Variants in CCDC88A observed in about 807,000 individuals in gnomAD.
CCDC88A encodes coiled-coil and HOOK domain protein 88A.
A neutral mutation model predicts 234.3 loss-of-function variants in CCDC88A; 54 were observed. The observed-to-expected ratio is 0.23, with a 90% CI of 0.19 to 0.29. The LOEUF (loss-of-function observed/expected upper bound fraction) is 0.29, where lower values mean the gene tolerates loss of function less well. Among genes scored for constraint, CCDC88A ranks in the 10% least tolerant of loss-of-function variants. CCDC88A has a pLI of 1.00. For synonymous variants in CCDC88A, 753 were observed against 737.8 expected, an observed-to-expected ratio of 1.02 and a Z score of -0.33; for missense variants, 1,832 against 2,123.4, an observed-to-expected ratio of 0.86 and a Z score of 2.70.
chr2:55,408,830 G>C (rs917285710), intron 2 of CCDC88A, among the ~76,000 whole-genome samples: 6 of 152,026 alleles, frequency 3.9e-5, no homozygotes, highest in African/African-American at 1.5e-4. Flanking sequence ...CTTGGGGTCT[G>C]GATTGGGACC....
chr2:55,365,936 TTTTAA>T (rs1425550375), intron 5 of CCDC88A, among the ~76,000 whole-genome samples: 25 of 152,292 alleles, frequency 1.6e-4, no homozygotes, highest in African/African-American at 5.8e-4. Context: ...GAAACTGAAA[TTTTAA>T]TTTAATTGTA....
intron 3 of CCDC88A, among the ~76,000 whole-genome samples, chr2:55,376,627 G>C (rs556843494): frequency 6.6e-6 from 1 of 152,206 alleles, no homozygotes; most frequent in Admixed American, 6.5e-5. Flanking sequence ...AAATATGCCT[G>C]CATTTAAAGA....
chr2:55,369,378 A>C (rs1672492413), intron 5 of CCDC88A, among the ~76,000 whole-genome samples: 1 of 151,078 alleles, frequency 6.6e-6, no homozygotes, highest in African/African-American at 2.4e-5. Context: ...GTCCTTCATA[A>C]CTCAATTCAT....
Position 55,295,748 on chromosome 2 carries a change from T to G in CCDC88A, c.5400A>C (p.Ala1800=). 1 of 1,614,198 alleles carries G rather than the reference T, an allele frequency of 6.2e-7. No individual in the cohort carries two copies. Among genetic ancestry groups the G allele is most frequent in the Non-Finnish European group, 8.5e-7 (1 of 1,180,040 alleles). ...SRQSKDSNPY[A]TLPRASSVIS... is the part of the protein sequence containing the mutation. ...TCACGCTGCTTGCACGAGGTAAAGT[T>G]GCATAAGGGTTACTATCTTTTGATT... The change falls in exon 31 of 33, where the codon GCA becomes GCC. Residue 1800 remains alanine, a synonymous_variant. Transcript: ENST00000436346.
intron 2 of CCDC88A, among the ~76,000 whole-genome samples, chr2:55,397,960 ATTATATAG>A (rs1319588766): frequency 6.6e-6 from 1 of 152,172 alleles, no homozygotes; most frequent in East Asian, 1.9e-4. Flanking sequence ...AAAGGAAGGA[ATTATATAG>A]TTATATACTA....
chr2:55,417,394 T>C (rs1317198423), intron 2 of CCDC88A: 1 of 151,990 alleles, frequency 6.6e-6, no homozygotes, highest in Non-Finnish European at 1.5e-5. Context: ...CTTTCTGTCA[T>C]GTAGGTTCCC....
At chr2:55,363,816 A>G in intron 6 of CCDC88A, 134 bp downstream of exon 6, 1 of 527,290 alleles carries the variant, frequency 1.9e-6, no homozygotes, top group Middle Eastern at 3.9e-4. Context: ...GACAATTTGT[A>G]TAAAAGCAGG....
chr2:55,334,679 C>A lies in CCDC88A; in HGVS notation c.2142G>T (p.Lys714Asn). The A allele has an allele frequency of 6.2e-7, 1 of 1,613,758 alleles. No individual in the cohort carries two copies. Among genetic ancestry groups the A allele is most frequent in the Non-Finnish European group, 8.5e-7 (1 of 1,179,820 alleles). Residue 714 changes from lysine to asparagine, a missense_variant, in exon 15 of 33, where the codon AAG becomes AAT. Coordinates refer to ENST00000436346, the MANE Select transcript of CCDC88A (RefSeq NM_001365480.1). This position sits in a 1 kb window ranked among gnomAD's most constrained non-coding sequence, Gnocchi z 6.1. ...GCTGAGCCATTTTCATGCTTGCACA[C>A]TTCAAAGATTCTACATTCCTTCGCA... ...LELRRNVESL[K>N]CASMKMAQLQ...
chr2:55,367,528 G>GTTTTTTTTTTTTTTTTTTTTTTTTT lies in CCDC88A; in HGVS notation c.403-3496_403-3495insAAAAAAAAAAAAAAAAAAAAAAAAA. 2.4e-3 allele frequency among the ~76,000 whole-genome samples: 240 copies of GTTTTTTTTTTTTTTTTTTTTTTTTT among 99,814 alleles called. 17 individuals carry two copies. Among genetic ancestry groups the GTTTTTTTTTTTTTTTTTTTTTTTTT allele is most frequent in the Middle Eastern group, 6.0e-3 (1 of 168 alleles). The allele number at this position is 99,814 out of a possible 152,430, so 65.5% of individuals were successfully genotyped here. Reference sequence around the variant, plus strand: ...TTGCTAGAAATTGTTTTATTTCCTTGTTTTTTTTTAAGAGACTGGGTCTTG... The same window carrying GTTTTTTTTTTTTTTTTTTTTTTTTT: ...TTGCTAGAAATTGTTTTATTTCCTTGTTTTTTTTTTTTTTTTTTTTTTTTTTTTTTTTTTAAGAGACTGGGTCTTG... On this transcript the variant is annotated intron_variant, in intron 5 of 32. Transcript: ENST00000436346.
At chr2:55,374,974 G>A in intron 3 of CCDC88A, 91 bp from the exon 4 acceptor site, 1 of 773,196 alleles carries the variant, frequency 1.3e-6, no homozygotes. Flanking sequence ...ACATTCTTCT[G>A]TAGGTGTGCT....
At chr2:55,414,737 G>C (rs1371442961) in intron 2 of CCDC88A, among the ~76,000 whole-genome samples, 1 of 152,022 alleles carries the variant, frequency 6.6e-6, no homozygotes, top group Non-Finnish European at 1.5e-5. Context: ...AATTTTCTTA[G>C]TCTTAATAAA....
chr2:55,294,577 T>G (rs1389356288), intron 31 of CCDC88A: 3 of 984,126 alleles, frequency 3.0e-6, no homozygotes, highest in Non-Finnish European at 3.6e-6. Flanking sequence ...CTACTGATAC[T>G]GTACATATGT....
intron 29 of CCDC88A, chr2:55,297,296 TTATA>T (rs1482980605): frequency 2.6e-5 from 2 of 76,530 alleles, no homozygotes; most frequent in African/African-American, 4.9e-5. Context: ...TATATATAAT[TTATA>T]TATAATTATA....
chr2:55,312,636 C>A, intron 22 of CCDC88A, 57 bp from the exon 23 acceptor site: 1 of 1,306,540 alleles, frequency 7.7e-7, no homozygotes, highest in Admixed American at 1.9e-5. Context: ...CATAAATCAA[C>A]TGAAAAATAT....
Position 55,322,602 on chromosome 2 carries a change from A to G in CCDC88A, c.3088T>C (p.Trp1030Arg). The G allele has an allele frequency of 1.2e-6, 2 of 1,608,482 alleles. No homozygotes were observed. The highest frequency in any genetic ancestry group is 1.7e-6 in the Non-Finnish European group (2 of 1,175,556). Reference protein sequence around the residue: ...SPPISGEDNKWERESQETTRE... With the variant: ...SPPISGEDNKRERESQETTRE... ...GTCGTTTCTTGACTTTCTCGCTCCC[A>G]TTTGTTGTCTTCACCAGATATTGGA... The change falls in exon 18 of 33, where the codon TGG (tryptophan) becomes CGG (arginine). Residue 1030 changes from tryptophan (W) to arginine (R), a missense_variant. Physicochemically the swap from Trp to Arg is moderately radical, Grantham distance 101. Coordinates refer to ENST00000436346, the MANE Select transcript of CCDC88A (RefSeq NM_001365480.1).
chr2:55,310,713 GA>G (rs1397026588), intron 23 of CCDC88A, among the ~76,000 whole-genome samples: 4 of 152,200 alleles, frequency 2.6e-5, no homozygotes, highest in Non-Finnish European at 4.4e-5. Context: ...GATGCCTTGT[GA>G]ACAGATGTTG....
intron 29 of CCDC88A, among the ~76,000 whole-genome samples, chr2:55,297,340 T>TTATATATTATATATAAATATATATTA (rs1680227400): frequency 8.1e-5 from 3 of 36,862 alleles, no homozygotes; most frequent in African/African-American, 2.2e-4. Context: ...ATATATAAAT[T>TTATATATTATATATAAATATATATTA]TATATATTAT....
intron 9 of CCDC88A, 43 bp from the exon 10 acceptor site, chr2:55,346,376 T>C (rs1378571936): frequency 2.6e-6 from 3 of 1,148,746 alleles, no homozygotes; most frequent in Non-Finnish European, 3.7e-6. Flanking sequence ...TTTTCTGTTA[T>C]CAACTTGTTA....
intron 7 of CCDC88A, 168 bp from the exon 8 acceptor site, chr2:55,355,919 G>C (rs1670509629): frequency 1.9e-6 from 1 of 514,814 alleles, no homozygotes; most frequent in African/African-American, 1.9e-5. Context: ...TCATTCAACA[G>C]TTCATGCATG....
Sources: allele counts gnomAD v4.1 joint callset (sites outside exome capture counted in the v4.1 genomes callset), GRCh38; gene constraint gnomAD v4.1.1; non-coding constraint Gnocchi (gnomAD v3.1); transcripts MANE v1.5; gene names NCBI Gene and HGNC (gene_info 2026-07-23, HGNC 2026-07-21).